The following BACE2 variants were observed in gnomAD, a reference collection of about 807,000 sequenced individuals.
BACE2 encodes the protein 56 kDa aspartic-like protease.
BACE2 carries 17 observed loss-of-function variants against 46.2 expected under a neutral mutation model. The observed-to-expected ratio is 0.37, with a 90% CI of 0.25 to 0.55. The LOEUF (loss-of-function observed/expected upper bound fraction) is 0.55, where lower values mean the gene tolerates loss of function less well. Among genes scored for constraint, BACE2 ranks in the 20% least tolerant of loss-of-function variants. BACE2 has a pLI of 0.82. For synonymous variants in BACE2, 277 were observed against 295.9 expected (o/e 0.94, Z 0.66); for missense variants, 595 against 698.1 (o/e 0.85, Z 1.66).
chr21:41,265,834 T>C (rs1460096586), intron 8 of BACE2, among the ~76,000 whole-genome samples: 1 of 152,198 alleles, frequency 6.6e-6, no homozygotes, highest in African/African-American at 2.4e-5. Context: ...GCTTTAAGGG[T>C]CTTGGGACTA....
rs1333855967 is a variant in BACE2 at position 41,278,639 on chromosome 21, CCG to C, written c.*3017_*3018del. On this transcript the variant is annotated 3_prime_UTR_variant, in exon 9 of 9. Coordinates refer to ENST00000330333, the MANE Select transcript of BACE2 (RefSeq NM_012105.5). ...TCCCAGGAAGACAGCATTAGTGACT[CCG>C]CAGTGCTTTGGGTAATAGATTTTGA... 1 of 152,200 alleles carries C rather than the reference CCG, an allele frequency of 6.6e-6. No individual in the cohort carries two copies. The highest frequency in any genetic ancestry group is 1.9e-4 in the East Asian group (1 of 5,202). The allele number at this position is 152,200 out of a possible 1,614,324, so 9.4% of individuals were successfully genotyped here.
chr21:41,260,976 A>T (rs1367781445), intron 8 of BACE2, among the ~76,000 whole-genome samples: 1 of 152,086 alleles, frequency 6.6e-6, no homozygotes, highest in Non-Finnish European at 1.5e-5. Flanking sequence ...ATTACATTTT[A>T]TAGATTTTCC....
chr21:41,200,413 G>C (rs185787765), intron 1 of BACE2, among the ~76,000 whole-genome samples: 1 of 152,308 alleles, frequency 6.6e-6, no homozygotes, highest in African/African-American at 2.4e-5. Context: ...TAGAAGCCAA[G>C]CGAATGTGGA....
At chr21:41,257,592 T>A (rs1292613575) in intron 8 of BACE2, among the ~76,000 whole-genome samples, 1 of 152,192 alleles carries the variant, frequency 6.6e-6, no homozygotes, top group Non-Finnish European at 1.5e-5. Flanking sequence ...AGTAAAAATA[T>A]GCCGTGAAAC....
intron 1 of BACE2, chr21:41,183,957 A>G (rs1985252114): frequency 1.2e-5 from 2 of 167,088 alleles, no homozygotes; most frequent in South Asian, 4.1e-4. Context: ...TTTTCTCAAG[A>G]TGAGTAATCC....
rs574487949 is a variant in BACE2 at position 41,264,955 on chromosome 21, G to GC, written c.1303+7631dup. Among the ~76,000 whole-genome samples, 41 of 152,276 alleles carry GC rather than the reference G, an allele frequency of 2.7e-4. No homozygotes were observed. The East Asian group carries it at 6.8e-3, about 25-fold the overall frequency. ...GCCATGATCATGTCACTGCACTCCA[G>GC]CCTGGGAGACAGAGCAAGACTCTGA... On this transcript the variant is annotated intron_variant, in intron 8 of 8. Coordinates refer to ENST00000330333, the MANE Select transcript of BACE2 (RefSeq NM_012105.5).
At chr21:41,186,534 C>G (rs1386981060) in intron 1 of BACE2, 38 of 152,742 alleles carry the variant, frequency 2.5e-4, no homozygotes, top group Non-Finnish European at 2.9e-5. Flanking sequence ...CTCTCTGTCT[C>G]TGCTGTCTTG....
chr21:41,225,182 C>T (rs771664658), intron 1 of BACE2, among the ~76,000 whole-genome samples: 29 of 150,530 alleles, frequency 1.9e-4, no homozygotes, highest in Non-Finnish European at 2.8e-4. Flanking sequence ...TGCACTGAGC[C>T]GAGATCGTGC....
At chr21:41,215,701 A>G (rs1986444601) in intron 1 of BACE2, among the ~76,000 whole-genome samples, 1 of 152,200 alleles carries the variant, frequency 6.6e-6, no homozygotes, top group Non-Finnish European at 1.5e-5. Flanking sequence ...CGGGACCTCC[A>G]TGGGCTGTTT....
At chr21:41,173,638 C>CT in intron 1 of BACE2, among the ~76,000 whole-genome samples, 1 of 152,040 alleles carries the variant, frequency 6.6e-6, no homozygotes, top group Admixed American at 6.5e-5. Flanking sequence ...CCCAGCTACT[C>CT]AGGAGGCTGA....
chr21:41,220,297 C>T (rs895283347), intron 1 of BACE2, among the ~76,000 whole-genome samples: 1 of 152,102 alleles, frequency 6.6e-6, no homozygotes, highest in Non-Finnish European at 1.5e-5. Flanking sequence ...GTGGAAGCTT[C>T]GTTATGTAGA....
chr21:41,186,633 C>G (rs1314769206), intron 1 of BACE2: 1 of 152,286 alleles, frequency 6.6e-6, no homozygotes, highest in African/African-American at 2.4e-5. Flanking sequence ...AAGACTGGGG[C>G]TTAGCCTGGG....
At chr21:41,198,388 C>T (rs1258758215) in intron 1 of BACE2, among the ~76,000 whole-genome samples, 1 of 152,132 alleles carries the variant, frequency 6.6e-6, no homozygotes, top group Non-Finnish European at 1.5e-5. Flanking sequence ...TGATGGGCCT[C>T]GTCTGATTCA....
intron 1 of BACE2, chr21:41,185,113 C>G (rs576109694): frequency 6.0e-6 from 1 of 167,196 alleles, no homozygotes; most frequent in East Asian, 1.9e-4. Flanking sequence ...TTAAGGATCT[C>G]TCTACAGAGG....
intron 1 of BACE2, chr21:41,176,262 G>C (rs967108847): frequency 2.0e-5 from 3 of 152,208 alleles, no homozygotes; most frequent in Admixed American, 6.5e-5. Context: ...TTCAGTGACC[G>C]AGAGCAGAGC....
chr21:41,212,533 G>A (rs1986331369), intron 1 of BACE2, among the ~76,000 whole-genome samples: 1 of 152,190 alleles, frequency 6.6e-6, no homozygotes, highest in Non-Finnish European at 1.5e-5. Flanking sequence ...GCGGGAGGAG[G>A]AGGTCAATAC....
intron 7 of BACE2, among the ~76,000 whole-genome samples, chr21:41,252,958 A>C (rs1460462476): frequency 2.0e-5 from 3 of 152,196 alleles, no homozygotes; most frequent in African/African-American, 7.2e-5. Context: ...CACGCTCAGC[A>C]CTGCCCTTCC....
chr21:41,210,164 C>A (rs1986253339), intron 1 of BACE2, among the ~76,000 whole-genome samples: 1 of 152,118 alleles, frequency 6.6e-6, no homozygotes, highest in African/African-American at 2.4e-5. Flanking sequence ...CAACTTCAAC[C>A]TCCACAGTTG....
intron 8 of BACE2, among the ~76,000 whole-genome samples, chr21:41,261,520 T>A (rs1987935009): frequency 1.3e-5 from 2 of 152,216 alleles, no homozygotes; most frequent in Admixed American, 6.5e-5. Flanking sequence ...CTATCTAGTC[T>A]CCCTGACTTT....
Sources: allele counts gnomAD v4.1 joint callset (sites outside exome capture counted in the v4.1 genomes callset), GRCh38; gene constraint gnomAD v4.1.1; transcripts MANE v1.5; gene names NCBI Gene and HGNC (gene_info 2026-07-23, HGNC 2026-07-21).